The following SHTN1 variants were observed in gnomAD, a reference collection of about 807,000 sequenced individuals.
The protein encoded by SHTN1 is shootin 1, also known as shootin-1.
SHTN1 carries 42 observed loss-of-function variants against 83.1 expected under a neutral mutation model. That is an observed-to-expected ratio of 0.51 (90% CI 0.39 to 0.65). SHTN1 has a LOEUF of 0.65. SHTN1 is among the 30% of genes least tolerant of loss of function. SHTN1 has a pLI of 0.00. For missense variants in SHTN1, 622 were observed against 737.8 expected, an observed-to-expected ratio of 0.84 and a Z score of 1.82; for synonymous variants, 224 against 247.7, an observed-to-expected ratio of 0.90 and a Z score of 0.90.
Position 116,954,091 on chromosome 10 carries a change from G to C in SHTN1, c.387C>G (p.Asp129Glu). The change falls in exon 5 of 17, where the codon GAC becomes GAG. Residue 129 changes from aspartate to glutamate, a missense_variant. Around this residue, in one of 3 missense-constraint regions of SHTN1, gnomAD observed 383 missense variants for 455.8 expected, o/e 0.84. Coordinates refer to ENST00000355371, the MANE Select transcript of SHTN1 (RefSeq NM_001127211.3). ...CTGAGACACAAGTCTCGGCGGCACC[G>C]TCTGTGTCTGTAGTCGAATCTTCAT... Reference protein sequence around the residue: ...IDDEDSTTDTDGAAETCVSVQ... With the variant: ...IDDEDSTTDTEGAAETCVSVQ... The C allele has an allele frequency of 6.2e-6, 10 of 1,613,776 alleles. No individual in the cohort carries two copies. The highest frequency in any genetic ancestry group is 7.6e-6 in the Non-Finnish European group (9 of 1,179,882).
At chr10:117,022,549 A>ACC (rs1255263630) in intron 2 of SHTN1, among the ~76,000 whole-genome samples, 3 of 152,184 alleles carry the variant, frequency 2.0e-5, no homozygotes, top group Non-Finnish European at 2.9e-5. Context: ...ACACACAACT[A>ACC]AACAAAACTC....
chr10:117,002,453 T>TC (rs1266176178), intron 1 of SHTN1, among the ~76,000 whole-genome samples: 1 of 152,196 alleles, frequency 6.6e-6, no homozygotes, highest in Non-Finnish European at 1.5e-5. Flanking sequence ...TAGTGGTTCT[T>TC]CTTGCTCACA....
chr10:116,928,966 G>T (rs1055615541), intron 10 of SHTN1, among the ~76,000 whole-genome samples: 15 of 152,096 alleles, frequency 9.9e-5, no homozygotes, highest in Non-Finnish European at 1.3e-4. Flanking sequence ...TAATAAAGAT[G>T]GCTTTGGCTA....
intron 16 of SHTN1, among the ~76,000 whole-genome samples, chr10:116,896,820 TTTGAG>T (rs1376078887): frequency 9.3e-5 from 14 of 150,946 alleles, no homozygotes; most frequent in Admixed American, 7.3e-4. Context: ...TTTTTTTTTT[TTTGAG>T]TTAAGAGTCT....
chr10:117,052,218 C>A, intron 1 of SHTN1, among the ~76,000 whole-genome samples: 1 of 149,682 alleles, frequency 6.7e-6, no homozygotes, highest in Non-Finnish European at 1.5e-5. Context: ...ATAAATTTAC[C>A]CAAGGAGATG....
chr10:117,024,348 C>CT (rs1174576153), intron 2 of SHTN1, among the ~76,000 whole-genome samples: 1,469 of 77,546 alleles, frequency 0.019, 16 homozygotes, highest in East Asian at 0.027. Context: ...CAAAACTTTT[C>CT]TTTTTTTTTT....
chr10:117,038,365 C>T (rs1564938216), intron 2 of SHTN1, among the ~76,000 whole-genome samples: 1 of 151,568 alleles, frequency 6.6e-6, no homozygotes, highest in Non-Finnish European at 1.5e-5. Context: ...GTCTTGAATT[C>T]CTGGGCTCAA....
chr10:117,067,717 T>C (rs1472694379), intron 1 of SHTN1, among the ~76,000 whole-genome samples: 1 of 152,130 alleles, frequency 6.6e-6, no homozygotes. Flanking sequence ...TAGGAGGTTG[T>C]TGCAGCAATC....
At chr10:116,920,174 A>G (rs1352628417) in intron 12 of SHTN1, among the ~76,000 whole-genome samples, 1 of 152,148 alleles carries the variant, frequency 6.6e-6, no homozygotes, top group African/African-American at 2.4e-5. Flanking sequence ...TACTAACAAA[A>G]TACGATAAAG....
rs185820048 is a variant in SHTN1, at chr10:117,121,893, G to A, written c.-189+4414C>T. ...TAAAAATACAAAAAATTAGCCAGGC[G>A]TGGTGGCAGGCGCCTGTAGTCCCAG... On this transcript the variant is annotated intron_variant, in intron 1 of 17. Transcript: ENST00000392901. Among the ~76,000 whole-genome samples the A allele has an allele frequency of 1.0e-2, 1,497 of 150,204 alleles. 26 individuals carry two copies. The highest frequency in any genetic ancestry group is 0.034 in the African/African-American group (1,400 of 40,916).
upstream of SHTN1, among the ~76,000 whole-genome samples, chr10:117,006,439 G>A (rs2133551396): frequency 6.6e-6 from 1 of 151,792 alleles, no homozygotes; most frequent in South Asian, 2.1e-4. Flanking sequence ...GGTGGCAGGC[G>A]CCTGTAGTCC....
Position 116,955,783 on chromosome 10 carries a change from T to A in SHTN1, c.268-1573A>T, listed in dbSNP as rs545746329. The stretch of plus-strand genomic sequence containing the variant: ...AATGGTTATGAACTCTTCCATGGAT[T>A]CTTCCTGGAAGACTGGCAAGCTCTA... On this transcript the variant is annotated intron_variant, in intron 4 of 16. Transcript: ENST00000355371. 1.2e-4 allele frequency among the ~76,000 whole-genome samples: 18 copies of A among 152,332 alleles called. 1 individual carries two copies. The South Asian group carries it at 3.7e-3, about 32-fold the overall frequency.
At chr10:117,105,180 A>G (rs1219332879) in intron 1 of SHTN1, among the ~76,000 whole-genome samples, 1 of 152,164 alleles carries the variant, frequency 6.6e-6, no homozygotes, top group Non-Finnish European at 1.5e-5. Flanking sequence ...TGAACATACC[A>G]TGTCCTCAAT....
At chr10:117,105,113 T>G (rs1853653206) in intron 1 of SHTN1, among the ~76,000 whole-genome samples, 1 of 152,084 alleles carries the variant, frequency 6.6e-6, no homozygotes, top group Non-Finnish European at 1.5e-5. Context: ...GAGCCCAAGG[T>G]GATCTCCAAA....
At chr10:116,991,900 G>A (rs2133514907) in intron 1 of SHTN1, among the ~76,000 whole-genome samples, 1 of 152,284 alleles carries the variant, frequency 6.6e-6, no homozygotes, top group East Asian at 1.9e-4. Flanking sequence ...CCAGCACTTT[G>A]GGAGGCCAAG....
At chr10:116,983,196 CT>C (rs1260616106) in intron 1 of SHTN1, among the ~76,000 whole-genome samples, 2 of 152,208 alleles carry the variant, frequency 1.3e-5, no homozygotes, top group East Asian at 3.9e-4. Flanking sequence ...GGTTCCTCAT[CT>C]GGAAAATAGG....
chr10:117,075,790 A>G (rs1462607049), intron 1 of SHTN1, among the ~76,000 whole-genome samples: 2 of 152,210 alleles, frequency 1.3e-5, no homozygotes, highest in East Asian at 3.9e-4. Context: ...TAGAATTAGA[A>G]CAATCATGTA....
At chr10:117,051,717 T>C (rs893800943) in intron 1 of SHTN1, among the ~76,000 whole-genome samples, 1 of 150,136 alleles carries the variant, frequency 6.7e-6, no homozygotes, top group Non-Finnish European at 1.5e-5. Context: ...CACCCTTTCA[T>C]GATAAAAAAA....
rs1847050722 is a variant in SHTN1 at position 116,882,519 on chromosome 10, A to G, written c.*3825T>C. On this transcript the variant is annotated 3_prime_UTR_variant, in exon 17 of 17. Coordinates refer to ENST00000355371, the MANE Select transcript of SHTN1 (RefSeq NM_001127211.3). ...AATATATTCAGACACAAACATATAG[A>G]TATAATAATATCCAACCACTTTATA... 1 of 152,096 alleles carries G rather than the reference A, an allele frequency of 6.6e-6. No homozygotes were observed. Among genetic ancestry groups the G allele is most frequent in the Non-Finnish European group, 1.5e-5 (1 of 68,024 alleles). 9.4% of individuals were successfully genotyped at this position (152,096 alleles called of 1,614,324 possible). A position where few individuals can be genotyped will look rare whatever the true frequency, so the allele number is the denominator to read the frequency against.
Sources: allele counts gnomAD v4.1 joint callset (sites outside exome capture counted in the v4.1 genomes callset), GRCh38; gene constraint gnomAD v4.1.1; regional missense constraint gnomAD v4.1.1; transcripts MANE v1.5; gene names NCBI Gene and HGNC (gene_info 2026-07-23, HGNC 2026-07-21).